MUCL1: variants seen among roughly 807,000 people sequenced by gnomAD.
MUCL1 encodes mucin like 1.
A neutral mutation model predicts 9.2 loss-of-function variants in MUCL1; 11 were observed. The ratio of observed to expected loss-of-function variants is 1.19; its 90% confidence interval spans 0.75 to 1.97. The LOEUF (loss-of-function observed/expected upper bound fraction) is 1.97, where lower values mean the gene tolerates loss of function less well. MUCL1 is among the 30% of genes most tolerant of loss of function. MUCL1 has a pLI of 0.00. For synonymous variants in MUCL1, 48 were observed against 40.5 expected, an observed-to-expected ratio of 1.19 and a Z score of -0.71; for missense variants, 144 against 110.9, an observed-to-expected ratio of 1.30 and a Z score of -1.34.
At chr12:54,834,630 C>G (rs1033743051), upstream of MUCL1, among the ~76,000 whole-genome samples, 1 of 151,970 alleles carries the variant, frequency 6.6e-6, no homozygotes, top group Non-Finnish European at 1.5e-5. Context: ...AAAATCCACT[C>G]TCTTAGCAAA....
chr12:54,835,069 C>T (rs1959190657), upstream of MUCL1, among the ~76,000 whole-genome samples: 1 of 152,074 alleles, frequency 6.6e-6, no homozygotes, highest in Non-Finnish European at 1.5e-5. Flanking sequence ...TTGCTAGTTG[C>T]TGCAAAAAAC....
chr12:54,854,622 A>G lies in MUCL1; in HGVS notation c.40A>G (p.Ile14Val), dbSNP rs774224737. The change falls in exon 1 of 4, where the codon ATC (isoleucine) becomes GTC (valine). Residue 14 changes from isoleucine to valine, a missense_variant. By Grantham distance (29) the Ile-to-Val change is conservative. Coordinates refer to ENST00000308796, the MANE Select transcript of MUCL1 (RefSeq NM_058173.3). ...LAVLVLLGVSIFLVSAQNPTT... is the reference protein window; with the variant it reads ...LAVLVLLGVSVFLVSAQNPTT... ...AGTCCTGGTACTCTTGGGAGTTTCC[A>G]TCTTTCTGGTCTCTGCCCGTAAGTA... 5 of 1,613,382 alleles carry G rather than the reference A, an allele frequency of 3.1e-6. No homozygotes were observed. The East Asian group carries it at 8.9e-5, about 29-fold the overall frequency.
chr12:54,849,097 A>C (rs1399443047), intron 1 of MUCL1, among the ~76,000 whole-genome samples: 1 of 152,174 alleles, frequency 6.6e-6, no homozygotes, highest in East Asian at 1.9e-4. Flanking sequence ...TAGAGTTCTA[A>C]GAAGTAGTGT....
upstream of MUCL1, among the ~76,000 whole-genome samples, chr12:54,851,024 A>G (rs1360873721): frequency 4.6e-5 from 7 of 151,880 alleles, no homozygotes; most frequent in Non-Finnish European, 1.0e-4. Flanking sequence ...TTTTTCTTGT[A>G]AATTTGTTTG....
chr12:54,851,249 A>T (rs546223418), upstream of MUCL1, among the ~76,000 whole-genome samples: 26 of 152,222 alleles, frequency 1.7e-4, no homozygotes, highest in South Asian at 5.0e-3. Context: ...CTATGTCCTG[A>T]ATGGTATTGC....
intron 1 of MUCL1, among the ~76,000 whole-genome samples, chr12:54,832,416 C>T (rs1014035514): frequency 2.6e-5 from 4 of 151,936 alleles, no homozygotes; most frequent in Non-Finnish European, 5.9e-5. Flanking sequence ...GAATAATTTC[C>T]TCTGTTTTAT....
In MUCL1 at chr12:54,842,470, T is replaced by TA. The variant is rs2135941509; in HGVS notation, c.43+3024dup. Among the ~76,000 whole-genome samples the TA allele has an allele frequency of 1.3e-5, 2 of 152,284 alleles. 1 individual carries two copies. The highest frequency in any genetic ancestry group is 4.1e-4 in the South Asian group (2 of 4,830). ...GATTGCTAAATCAAGTTAATTAGCA[T>TA]ATGCATTACCTCACATACTTATCTT... On this transcript the variant is annotated intron_variant, in intron 1 of 3. Coordinates refer to the MUCL1 transcript ENST00000546809.
At chr12:54,841,857 G>T (rs1025121743) in intron 1 of MUCL1, among the ~76,000 whole-genome samples, 1 of 151,888 alleles carries the variant, frequency 6.6e-6, no homozygotes, top group Non-Finnish European at 1.5e-5. Flanking sequence ...TGTGCTTTTG[G>T]TATCATACCC....
upstream of MUCL1, among the ~76,000 whole-genome samples, chr12:54,853,331 T>C (rs182982828): frequency 3.9e-5 from 6 of 152,280 alleles, no homozygotes; most frequent in East Asian, 1.2e-3. Flanking sequence ...GCTGTAAATG[T>C]GGATTGTTTT....
At chr12:54,850,533 C>T (rs2135944452), upstream of MUCL1, among the ~76,000 whole-genome samples, 1 of 152,144 alleles carries the variant, frequency 6.6e-6, no homozygotes, top group East Asian at 1.9e-4. Context: ...TGTATATGTG[C>T]CACATTTTCT....
intron 1 of MUCL1, among the ~76,000 whole-genome samples, chr12:54,841,606 C>G (rs73324435): frequency 6.6e-6 from 1 of 152,046 alleles, no homozygotes; most frequent in Non-Finnish European, 1.5e-5. Flanking sequence ...TGTTGAACAC[C>G]TTTTCAAATC....
upstream of MUCL1, among the ~76,000 whole-genome samples, chr12:54,853,913 A>T (rs1054654177): frequency 1.3e-5 from 2 of 152,160 alleles, no homozygotes; most frequent in African/African-American, 4.8e-5. Context: ...CTGTATACTT[A>T]CTCCTTGATT....
At chr12:54,839,540 C>A in intron 1 of MUCL1, 2 of 699,574 alleles carry the variant, frequency 2.9e-6, no homozygotes, top group Non-Finnish European at 5.2e-6. Context: ...GAGGTCTTTT[C>A]ATTGGGGTAG....
chr12:54,858,359 T>A lies in MUCL1; in HGVS notation c.*117T>A. The A allele has an allele frequency of 7.8e-7, 1 of 1,288,240 alleles. No homozygotes were observed. The highest frequency in any genetic ancestry group is 1.1e-6 in the Non-Finnish European group (1 of 901,958). The allele number at this position is 1,288,240 out of a possible 1,614,324, so 79.8% of individuals were successfully genotyped here. On this transcript the variant is annotated 3_prime_UTR_variant, in exon 4 of 4. Coordinates refer to ENST00000308796, the MANE Select transcript of MUCL1 (RefSeq NM_058173.3). ...CTTTATCTCTAATCAGTTTATTTTC[T>A]TTCAAATAAAAAATAACTATGAGCA... is the stretch of plus-strand genomic sequence containing the variant.
intron 1 of MUCL1, among the ~76,000 whole-genome samples, chr12:54,841,989 T>C (rs549707338): frequency 4.6e-5 from 7 of 152,152 alleles, no homozygotes; most frequent in Non-Finnish European, 1.0e-4. Context: ...TAATTTTTCT[T>C]CAAGATTATC....
At chr12:54,843,692 G>A (rs1420996343) in intron 1 of MUCL1, among the ~76,000 whole-genome samples, 2 of 152,098 alleles carry the variant, frequency 1.3e-5, no homozygotes, top group Admixed American at 1.3e-4. Context: ...AGCTTAGAAA[G>A]GGCCCACAAG....
upstream of MUCL1, among the ~76,000 whole-genome samples, chr12:54,838,569 C>T (rs567125346): frequency 6.6e-6 from 1 of 152,088 alleles, no homozygotes; most frequent in Non-Finnish European, 1.5e-5. Context: ...ACAAATGATT[C>T]TTAGGTTTGG....
intron 1 of MUCL1, among the ~76,000 whole-genome samples, chr12:54,849,140 T>C (rs1473644845): frequency 6.6e-6 from 1 of 152,114 alleles, no homozygotes; most frequent in East Asian, 1.9e-4. Flanking sequence ...TGGTTTATAA[T>C]TTAAGGCCAT....
intron 1 of MUCL1, 151 bp downstream of exon 1, chr12:54,854,791 G>C: frequency 1.5e-6 from 1 of 686,744 alleles, no homozygotes; most frequent in Middle Eastern, 3.8e-4. Flanking sequence ...TCAAGATGGA[G>C]ATGGTTATCC....
Sources: allele counts gnomAD v4.1 joint callset (sites outside exome capture counted in the v4.1 genomes callset), GRCh38; gene constraint gnomAD v4.1.1; transcripts MANE v1.5; gene names NCBI Gene and HGNC (gene_info 2026-07-23, HGNC 2026-07-21).